The following TRIM49 variants were observed in gnomAD, a reference collection of about 807,000 sequenced individuals.
The protein encoded by TRIM49 is tripartite motif containing 49, also known as tripartite motif-containing protein 49.
Under a neutral mutation model 27.4 loss-of-function variants are expected in TRIM49, and 5 were observed. That is an observed-to-expected ratio of 0.18 (90% CI 0.10 to 0.38). TRIM49 has a LOEUF of 0.38. TRIM49 is among the 10% of genes least tolerant of loss of function. The pLI, the probability that TRIM49 is intolerant of heterozygous loss-of-function variation, is 1.00. For synonymous variants in TRIM49, 69 were observed against 166.0 expected, an observed-to-expected ratio of 0.42 and a Z score of 4.49; for missense variants, 188 against 487.5, an observed-to-expected ratio of 0.39 and a Z score of 5.79.
At chr11:89,785,317 G>C in the TRIM49 span, among the ~76,000 whole-genome samples, 1 of 144,420 alleles carries the variant, frequency 6.9e-6, no homozygotes, top group Admixed American at 6.7e-5. Context: ...CCAGGACTTG[G>C]GGGAAAAATA....
chr11:89,806,080 A>T (rs1949787797), intron 2 of TRIM49, among the ~76,000 whole-genome samples: 3 of 149,944 alleles, frequency 2.0e-5, no homozygotes, highest in Admixed American at 2.0e-4. Context: ...GGTATAGCCT[A>T]CTACACCTAT....
downstream of TRIM49, among the ~76,000 whole-genome samples, chr11:89,795,888 A>G (rs1402403903): frequency 6.6e-6 from 1 of 151,460 alleles, no homozygotes; most frequent in African/African-American, 2.4e-5. Flanking sequence ...AGTATAATGA[A>G]AAAAAAAATC....
the TRIM49 span, among the ~76,000 whole-genome samples, chr11:89,772,206 T>C: frequency 2.2e-4 from 31 of 138,440 alleles, 1 homozygote; most frequent in South Asian, 4.4e-4. Context: ...TTCTTAATAT[T>C]TTCTTTCCTT....
chr11:89,785,329 G>C, the TRIM49 span, among the ~76,000 whole-genome samples: 1 of 144,358 alleles, frequency 6.9e-6, no homozygotes, highest in African/African-American at 2.7e-5. Context: ...GGAAAAATAT[G>C]CATTAGAAGG....
the TRIM49 span, chr11:89,786,981 TA>T: frequency 8.2e-6 from 1 of 121,390 alleles, no homozygotes; most frequent in Non-Finnish European, 1.6e-5. Context: ...CCTGAGCTAG[TA>T]GGGGCGGGTG....
rs1949706354 is a variant in TRIM49, at chr11:89,798,331, G to A, written c.1158C>T (p.Asp386=). The part of the protein sequence containing the change: ...GLFLLGCVKN[D]IQCSLFTTSP... Reference sequence around the variant, plus strand: ...AGGTGGTAAAGAGACTGCATTGAATGTCATTCTTAACACACCCAAGAAGAA... The same window carrying A: ...AGGTGGTAAAGAGACTGCATTGAATATCATTCTTAACACACCCAAGAAGAA... The change falls in exon 8 of 8, where the codon GAC becomes GAT. Residue 386 remains aspartate, a synonymous_variant. Transcript: ENST00000329758. 2 of 1,573,328 alleles carry A rather than the reference G, an allele frequency of 1.3e-6. No homozygotes were observed. The highest frequency in any genetic ancestry group is 1.7e-6 in the Non-Finnish European group (2 of 1,163,590).
chr11:89,802,951 A>G (rs1024925268), intron 4 of TRIM49, among the ~76,000 whole-genome samples: 2 of 150,238 alleles, frequency 1.3e-5, no homozygotes, highest in Non-Finnish European at 3.0e-5. Context: ...CTTTACTAGT[A>G]TATTTTCTAA....
the TRIM49 span, among the ~76,000 whole-genome samples, chr11:89,778,474 CTG>C: frequency 8.1e-6 from 1 of 123,796 alleles, no homozygotes; most frequent in Admixed American, 8.4e-5. Context: ...CCAGTAAGAA[CTG>C]TGAAGAAGCG....
chr11:89,796,432 G>C (rs75543409), downstream of TRIM49, among the ~76,000 whole-genome samples: 9,881 of 98,878 alleles, frequency 0.1, 384 homozygotes, highest in African/African-American at 0.17. Context: ...CATGAGGTCT[G>C]ACTATGTTGC....
Position 89,798,405 on chromosome 11 carries a change from G to A in TRIM49, c.1084C>T (p.Arg362Trp), listed in dbSNP as rs9667365. The A allele has an allele frequency of 2.3e-5, 37 of 1,603,032 alleles. No homozygotes were observed. Among genetic ancestry groups the A allele is most frequent in the Non-Finnish European group, 2.9e-5 (34 of 1,177,866 alleles). ...NWAFGVCNMYRKEKNQNEKID... is the reference protein window; with the variant it reads ...NWAFGVCNMYWKEKNQNEKID... ...TTCTCATTCTGATTCTTCTCTTTCC[G>A]ATACATATTACAGACACCAAAAGCC... The change falls in exon 8 of 8, where the codon CGG becomes TGG. Residue 362 changes from arginine to tryptophan, a missense_variant. Transcript: ENST00000329758.
At chr11:89,767,182 C>T in the TRIM49 span, 1 of 376,094 alleles carries the variant, frequency 2.7e-6, no homozygotes, top group East Asian at 5.9e-5. Context: ...AAAGTAACTT[C>T]TGCCTGGAAA....
chr11:89,791,129 T>C, the TRIM49 span, among the ~76,000 whole-genome samples: 73 of 151,192 alleles, frequency 4.8e-4, no homozygotes, highest in South Asian at 0.015. Context: ...TTCGATCAAC[T>C]GGAAGAAAGG....
At chr11:89,774,094 A>G in the TRIM49 span, among the ~76,000 whole-genome samples, 1 of 147,752 alleles carries the variant, frequency 6.8e-6, no homozygotes, top group African/African-American at 2.6e-5. Flanking sequence ...TCTGCCTCCC[A>G]GGTTCAAGTG....
intron 6 of TRIM49, among the ~76,000 whole-genome samples, chr11:89,800,351 A>G (rs1949724683): frequency 6.6e-6 from 1 of 151,602 alleles, no homozygotes; most frequent in African/African-American, 2.4e-5. Context: ...TTTCACTGCT[A>G]AAATACTTCC....
chr11:89,774,291 T>A, the TRIM49 span, among the ~76,000 whole-genome samples: 3 of 151,208 alleles, frequency 2.0e-5, no homozygotes, highest in South Asian at 4.2e-4. Flanking sequence ...TGAGCCACCT[T>A]CCTTGCCCAG....
At chr11:89,790,516 C>T in the TRIM49 span, among the ~76,000 whole-genome samples, 1 of 151,998 alleles carries the variant, frequency 6.6e-6, no homozygotes, top group African/African-American at 2.4e-5. Context: ...GGCAGACTGA[C>T]ACCTCACACG....
the TRIM49 span, chr11:89,777,083 G>T: frequency 1.0e-5 from 16 of 1,550,144 alleles, no homozygotes; most frequent in Admixed American, 1.2e-4. Flanking sequence ...CACAGCTTTT[G>T]CAGGCCCTGC....
At chr11:89,793,460 T>C (rs1173023857), downstream of TRIM49, among the ~76,000 whole-genome samples, 8 of 152,176 alleles carry the variant, frequency 5.3e-5, no homozygotes, top group Non-Finnish European at 1.2e-4. Context: ...ATATCTCTGA[T>C]GAACATCGAT....
chr11:89,804,718 A>G (rs184878600), intron 2 of TRIM49, among the ~76,000 whole-genome samples: 4,151 of 148,652 alleles, frequency 0.028, no homozygotes, highest in Non-Finnish European at 0.042. Flanking sequence ...GTAGCATAAT[A>G]CAAACCTATT....
Sources: gnomAD v4.1 joint callset for allele counts (sites outside exome capture counted in the v4.1 genomes callset) on GRCh38, gnomAD v4.1.1 for gene constraint, MANE v1.5 for transcripts, NCBI Gene and HGNC (gene_info 2026-07-23, HGNC 2026-07-21) for gene names.